Variants in CSMD2 observed in about 807,000 individuals in gnomAD.
The protein encoded by CSMD2 is CUB and sushi domain-containing protein 2.
A neutral mutation model predicts 398.5 loss-of-function variants in CSMD2; 130 were observed. That is an observed-to-expected ratio of 0.33 (90% CI 0.28 to 0.38). CSMD2 has a LOEUF of 0.38. Among genes scored for constraint, CSMD2 ranks in the 10% least tolerant of loss-of-function variants. The pLI is 1.00. For synonymous variants in CSMD2, 1,828 were observed against 1,908.5 expected, an observed-to-expected ratio of 0.96 and a Z score of 1.10; for missense variants, 3,829 against 4,764.9, an observed-to-expected ratio of 0.80 and a Z score of 5.78.
chr1:34,074,959 G>T (rs902371360), intron 2 of CSMD2, among the ~76,000 whole-genome samples: 1 of 152,224 alleles, frequency 6.6e-6, no homozygotes. Context: ...CCAAGGCGAG[G>T]TCAGGTTCCC....
chr1:34,069,474 T>C (rs1214442070), intron 2 of CSMD2, among the ~76,000 whole-genome samples: 1 of 152,192 alleles, frequency 6.6e-6, no homozygotes, highest in Admixed American at 6.5e-5. Context: ...CACAACTCTT[T>C]TGCATTGCTG....
intron 3 of CSMD2, among the ~76,000 whole-genome samples, chr1:33,944,535 C>G (rs1358909990): frequency 1.3e-5 from 2 of 152,078 alleles, no homozygotes; most frequent in Admixed American, 1.3e-4. Flanking sequence ...GTCTTTATAG[C>G]TAATCTTTAG....
At chr1:33,620,426 TC>T (rs753047710) in intron 37 of CSMD2, among the ~76,000 whole-genome samples, 3 of 152,116 alleles carry the variant, frequency 2.0e-5, no homozygotes, top group Non-Finnish European at 2.9e-5. Context: ...GCTCTTCCCA[TC>T]ATGAGGGGAC....
intron 15 of CSMD2, among the ~76,000 whole-genome samples, chr1:33,732,514 A>G (rs576481385): frequency 6.6e-6 from 1 of 152,324 alleles, no homozygotes; most frequent in Non-Finnish European, 1.5e-5. Context: ...GCCACGTGAG[A>G]ACACAGAGAG....
At chr1:33,883,839 G>C (rs990160229) in intron 5 of CSMD2, among the ~76,000 whole-genome samples, 1 of 152,226 alleles carries the variant, frequency 6.6e-6, no homozygotes, top group Non-Finnish European at 1.5e-5. Flanking sequence ...ACTTGGAAGA[G>C]ATTGGCAATG....
At chr1:34,033,537 G>C (rs1650722211) in intron 2 of CSMD2, among the ~76,000 whole-genome samples, 1 of 152,288 alleles carries the variant, frequency 6.6e-6, no homozygotes, top group East Asian at 1.9e-4. Context: ...GTCCACTGCT[G>C]GGCATCCATG....
Position 33,646,711 on chromosome 1 carries a change from G to C in CSMD2, c.4711C>G (p.Leu1571Val), listed in dbSNP as rs1221980795. The change falls in exon 29 of 71, where the codon CTC becomes GTC. Residue 1571 changes from leucine to valine, a missense_variant. Coordinates refer to ENST00000373381, the MANE Select transcript of CSMD2 (RefSeq NM_001281956.2). The part of the protein sequence containing the change: ...PGRIESSSNS[L>V]FLAFRSDASV... Reference sequence around the variant, plus strand: ...GCATCGCTGCGGAAGGCGAGGAAGAGGCTGTTGCTGCTGCTTTCAATGCGG... The same window carrying C: ...GCATCGCTGCGGAAGGCGAGGAAGACGCTGTTGCTGCTGCTTTCAATGCGG... The C allele has an allele frequency of 6.2e-7, 1 of 1,614,086 alleles. No homozygotes were observed. Among genetic ancestry groups the C allele is most frequent in the Non-Finnish European group, 8.5e-7 (1 of 1,180,046 alleles).
intron 46 of CSMD2, 40 bp downstream of exon 46, chr1:33,586,464 A>G: frequency 7.6e-7 from 1 of 1,323,544 alleles, no homozygotes; most frequent in South Asian, 1.2e-5. Flanking sequence ...GTTCAGGAGG[A>G]ACTTCTAGGC....
At chr1:33,656,028 G>A (rs1643934863) in intron 27 of CSMD2, among the ~76,000 whole-genome samples, 1 of 148,982 alleles carries the variant, frequency 6.7e-6, no homozygotes. Context: ...AGGAGCCTCA[G>A]AGGTTCCCAG....
At chr1:33,947,476 GC>G (rs1644874082) in intron 3 of CSMD2, among the ~76,000 whole-genome samples, 1 of 152,108 alleles carries the variant, frequency 6.6e-6, no homozygotes, top group African/African-American at 2.4e-5. Flanking sequence ...CCCGTCCACG[GC>G]CCTGAAGCCC....
rs1319612944 is a variant in CSMD2, at chr1:34,103,026, C to T, written c.188-13833G>A. Among the ~76,000 whole-genome samples, 2 of 152,164 alleles carry T rather than the reference C, an allele frequency of 1.3e-5. 1 individual carries two copies. Among genetic ancestry groups the T allele is most frequent in the Non-Finnish European group, 2.9e-5 (2 of 68,022 alleles). ...GAACCTGGTACATAATAGATGCTCA[C>T]AGAATAGTTGTTGGTTGAATGAATG... On this transcript the variant is annotated intron_variant, in intron 1 of 70. Coordinates refer to ENST00000373381, the MANE Select transcript of CSMD2 (RefSeq NM_001281956.2).
At chr1:34,151,201 C>CTCCTTTGGCCT in intron 1 of CSMD2, among the ~76,000 whole-genome samples, 1 of 152,286 alleles carries the variant, frequency 6.6e-6, no homozygotes, top group African/African-American at 2.4e-5. Flanking sequence ...CCTTTAGTAG[C>CTCCTTTGGCCT]TTATAACTGT....
At chr1:33,714,860 A>AG in intron 20 of CSMD2, 85 bp from the exon 21 acceptor site, 1 of 1,324,052 alleles carries the variant, frequency 7.6e-7, no homozygotes, top group Non-Finnish European at 1.1e-6. Context: ...GCAAAACACC[A>AG]GGGGGAAAGG....
chr1:33,521,660 G>T, intron 67 of CSMD2, 110 bp from the exon 68 acceptor site: 1 of 771,356 alleles, frequency 1.3e-6, no homozygotes, highest in South Asian at 1.5e-5. Context: ...CTGCTGCTCT[G>T]ACACACAGGG....
At position 33,635,310 on chromosome 1, in the gene CSMD2, C is replaced by G; in HGVS notation, c.4990G>C (p.Val1664Leu). The G allele has an allele frequency of 6.2e-7, 1 of 1,611,862 alleles. No homozygotes were observed. ...VCTAPCGGQY[V>L]GSDGVVLSPN... ...GACAAGACCACTCCGTCCGAACCCACATACTGTCCCCCACAGGGGGCTGAA... is the reference window on the plus strand; with the variant it reads ...GACAAGACCACTCCGTCCGAACCCAGATACTGTCCCCCACAGGGGGCTGAA... Residue 1664 changes from valine (V) to leucine (L), a missense_variant, in exon 31 of 71, where the codon GTG (valine) becomes CTG (leucine). This residue lies in a region of CSMD2 where 2,001 missense variants were observed against 2,567.1 expected (regional missense o/e 0.78). Transcript: ENST00000373381. This position sits in a 1 kb window ranked among gnomAD's most constrained non-coding sequence, Gnocchi z 5.0.
rs142528156 is a variant in CSMD2, at chr1:33,771,105, G to A, written c.1846+1464C>T. On this transcript the variant is annotated intron_variant, in intron 13 of 70. Coordinates refer to ENST00000373381, the MANE Select transcript of CSMD2 (RefSeq NM_001281956.2). ...ATGTGAATCCTCCCAGCTCTTTGTC[G>A]CAGAAGCTAGACCCTCCTCCATTTC... Among the ~76,000 whole-genome samples the A allele has an allele frequency of 4.4e-4, 67 of 152,226 alleles. 1 individual carries two copies. The highest frequency in any genetic ancestry group is 1.6e-3 in the African/African-American group (65 of 41,548).
rs562666539 is a variant in CSMD2, at chr1:34,112,618, C to T, written c.188-23425G>A. Among the ~76,000 whole-genome samples, 13 of 152,280 alleles carry T rather than the reference C, an allele frequency of 8.5e-5. No homozygotes were observed. The East Asian group carries it at 2.5e-3, about 29-fold the overall frequency. ...GAGACTGGGGCATGAATTTCTGGGT[C>T]ATATGGGCAGCCTTGAGAAAAATCA... On this transcript the variant is annotated intron_variant, in intron 1 of 70. Coordinates refer to ENST00000373381, the MANE Select transcript of CSMD2 (RefSeq NM_001281956.2).
intron 49 of CSMD2, among the ~76,000 whole-genome samples, chr1:33,575,100 C>T (rs1366620425): frequency 6.6e-6 from 1 of 152,138 alleles, no homozygotes; most frequent in East Asian, 1.9e-4. Context: ...GTCCCCAAAA[C>T]CCGGTGGTAA....
chr1:34,046,090 T>G (rs1397814092), intron 2 of CSMD2, among the ~76,000 whole-genome samples: 1 of 152,240 alleles, frequency 6.6e-6, no homozygotes, highest in Non-Finnish European at 1.5e-5. Flanking sequence ...GTTCACAATT[T>G]CAGTGTAAAG....
Sources: gnomAD v4.1 joint callset for allele counts (sites outside exome capture counted in the v4.1 genomes callset) on GRCh38, gnomAD v4.1.1 for gene constraint, gnomAD v4.1.1 regional missense constraint, Gnocchi (gnomAD v3.1) non-coding constraint, MANE v1.5 for transcripts, NCBI Gene and HGNC (gene_info 2026-07-23, HGNC 2026-07-21) for gene names.